DYNC2H1: variants seen among roughly 807,000 people sequenced by gnomAD.
The protein encoded by DYNC2H1 is dynein cytoplasmic 2 heavy chain 1, also known as cytoplasmic dynein 2 heavy chain 1.
Under a neutral mutation model 570.0 loss-of-function variants are expected in DYNC2H1, and 410 were observed. The observed-to-expected ratio is 0.72, with a 90% CI of 0.66 to 0.78. DYNC2H1 has a LOEUF of 0.78. Among genes scored for constraint, DYNC2H1 ranks in the 30% least tolerant of loss-of-function variants. The pLI, the probability that DYNC2H1 is intolerant of heterozygous loss-of-function variation, is 0.00. For missense variants in DYNC2H1, 4,865 were observed against 5,046.4 expected (o/e 0.96, Z 1.09); for synonymous variants, 1,688 against 1,677.6 (o/e 1.01, Z -0.15).
At position 103,256,613 on chromosome 11, in the gene DYNC2H1, A is replaced by G. The variant is rs1865066416; in HGVS notation, c.10461+373A>G. On this transcript the variant is annotated intron_variant, in intron 68 of 88. Transcript: ENST00000375735. This position sits in a 1 kb window ranked among gnomAD's most constrained non-coding sequence, Gnocchi z 4.0. Reference sequence around the variant, plus strand: ...TAAGGCAAGTTAAATATACTAATTAAAAGGGTTATAAGCTCTAAGGTACAG... The same window carrying G: ...TAAGGCAAGTTAAATATACTAATTAGAAGGGTTATAAGCTCTAAGGTACAG... Among the ~76,000 whole-genome samples, 1 of 152,172 alleles carries G rather than the reference A, an allele frequency of 6.6e-6. No individual in the cohort carries two copies. The highest frequency in any genetic ancestry group is 2.4e-5 in the African/African-American group (1 of 41,446).
Position 103,243,881 on chromosome 11 carries a change from A to G in DYNC2H1, c.9918+90A>G. 1 of 1,000,326 alleles carries G rather than the reference A, an allele frequency of 1.0e-6. No individual in the cohort carries two copies. Among genetic ancestry groups the G allele is most frequent in the South Asian group, 1.8e-5 (1 of 55,468 alleles). 62.0% of individuals were successfully genotyped at this position (1,000,326 alleles called of 1,614,324 possible). On this transcript the variant is annotated intron_variant, in intron 64 of 88. Transcript: ENST00000375735. The surrounding 1 kb of genome is among the most constrained non-coding windows in gnomAD (Gnocchi z 4.8). ...GTCTATAATCAGAAAACATAGATTC[A>G]ACACTGGGTCCTACTGTATGGGACC...
rs1458533835 is a variant in DYNC2H1, at chr11:103,192,151, G to A, written c.7595G>A (p.Arg2532Gln). The change falls in exon 47 of 89, where the codon CGG becomes CAG. Residue 2532 changes from arginine to glutamine, a missense_variant. Physicochemically the swap from Arg to Gln is conservative, Grantham distance 43 (BLOSUM62 1). Coordinates refer to ENST00000375735, the MANE Select transcript of DYNC2H1 (RefSeq NM_001377.3). Reference sequence around the variant, plus strand: ...TTAGAAATTGTAGCATATGAGGCACGGCGCTTATTTCGTGACAAAATTGTT... The same window carrying A: ...TTAGAAATTGTAGCATATGAGGCACAGCGCTTATTTCGTGACAAAATTGTT... The part of the protein sequence containing the change: ...YVLEIVAYEA[R>Q]RLFRDKIVGA... 2.6e-6 allele frequency: 4 copies of A among 1,565,724 alleles called. No homozygotes were observed. Among genetic ancestry groups the A allele is most frequent in the Admixed American group, 1.8e-5 (1 of 54,604 alleles).
chr11:103,303,503 G>GT (rs568223296), intron 76 of DYNC2H1, among the ~76,000 whole-genome samples: 17 of 152,084 alleles, frequency 1.1e-4, no homozygotes, highest in African/African-American at 2.4e-4. Flanking sequence ...AATCACAAAG[G>GT]TTTTTTATAA....
rs1862203856 is a variant in DYNC2H1 at position 103,189,361 on chromosome 11, C to T, written c.7293-311C>T. 1.3e-5 allele frequency among the ~76,000 whole-genome samples: 2 copies of T among 152,064 alleles called. No homozygotes were observed. The highest frequency in any genetic ancestry group is 6.6e-5 in the Admixed American group (1 of 15,240). On this transcript the variant is annotated intron_variant, in intron 44 of 88. Coordinates refer to ENST00000375735, the MANE Select transcript of DYNC2H1 (RefSeq NM_001377.3). The surrounding 1 kb of genome is among the most constrained non-coding windows in gnomAD (Gnocchi z 4.3). Reference sequence around the variant, plus strand: ...TGCCCTGTGTACAGACCTTATGTAACTCAAAAATGCTTTTCAAAAGTAAAA... The same window carrying T: ...TGCCCTGTGTACAGACCTTATGTAATTCAAAAATGCTTTTCAAAAGTAAAA...
chr11:103,395,761 G>A lies in DYNC2H1; in HGVS notation c.12157-3902G>A, dbSNP rs541205052. Among the ~76,000 whole-genome samples, 1 of 152,088 alleles carries A rather than the reference G, an allele frequency of 6.6e-6. No homozygotes were observed. Among genetic ancestry groups the A allele is most frequent in the Non-Finnish European group, 1.5e-5 (1 of 68,014 alleles). Reference sequence around the variant, plus strand: ...TCTCATTAGTTAAGCCCCAATTCAAGTTGCAAATTAATTTGTGGAACTGAG... The same window carrying A: ...TCTCATTAGTTAAGCCCCAATTCAAATTGCAAATTAATTTGTGGAACTGAG... On this transcript the variant is annotated intron_variant, in intron 83 of 88. Transcript: ENST00000375735. This position sits in a 1 kb window ranked among gnomAD's most constrained non-coding sequence, Gnocchi z 4.3.
At chr11:103,158,866 T>C (rs1371676540) in intron 27 of DYNC2H1, 44 bp from the exon 28 acceptor site, 2 of 1,511,418 alleles carry the variant, frequency 1.3e-6, no homozygotes, top group Non-Finnish European at 1.8e-6. Flanking sequence ...ATATCTTAAT[T>C]ATCTGAAAAA....
intron 73 of DYNC2H1, among the ~76,000 whole-genome samples, chr11:103,284,020 A>C (rs1344068676): frequency 1.1e-4 from 1 of 9,244 alleles, no homozygotes; most frequent in East Asian, 0.5. Flanking sequence ...AGCTACTTTT[A>C]ACAGAACCCT....
intron 65 of DYNC2H1, among the ~76,000 whole-genome samples, chr11:103,246,006 G>T (rs547525767): frequency 2.6e-4 from 39 of 152,176 alleles, no homozygotes; most frequent in African/African-American, 9.4e-4. Context: ...TGTTATTGGG[G>T]CAACGCAGAG....
intron 65 of DYNC2H1, among the ~76,000 whole-genome samples, chr11:103,247,350 C>T (rs1217160444): frequency 6.6e-6 from 1 of 152,030 alleles, no homozygotes; most frequent in Non-Finnish European, 1.5e-5. Context: ...GACAGGCATA[C>T]GTACATGCAA....
intron 11 of DYNC2H1, among the ~76,000 whole-genome samples, chr11:103,123,603 A>C (rs1591274776): frequency 6.6e-6 from 1 of 152,198 alleles, no homozygotes. Flanking sequence ...TTTGAGCCTA[A>C]AACATGAGAG....
chr11:103,116,012 A>T (rs924526804), intron 4 of DYNC2H1, among the ~76,000 whole-genome samples: 1 of 152,170 alleles, frequency 6.6e-6, no homozygotes, highest in Non-Finnish European at 1.5e-5. Flanking sequence ...TTGAGTGACC[A>T]TTTTAAGTAT....
At chr11:103,322,274 CAGAT>C (rs1938249978) in intron 81 of DYNC2H1, among the ~76,000 whole-genome samples, 2 of 152,098 alleles carry the variant, frequency 1.3e-5, no homozygotes, top group South Asian at 4.1e-4. Flanking sequence ...ACATTTAACT[CAGAT>C]AGTGTACCCC....
chr11:103,257,484 G>T (rs1327536014), intron 68 of DYNC2H1, 124 bp from the exon 69 acceptor site: 2 of 916,004 alleles, frequency 2.2e-6, no homozygotes, highest in East Asian at 3.0e-5. Context: ...TGTTTTATGT[G>T]CATAGAAAAA....
At chr11:103,306,295 A>T (rs1282234122) in intron 77 of DYNC2H1, among the ~76,000 whole-genome samples, 1 of 152,254 alleles carries the variant, frequency 6.6e-6, no homozygotes, top group Non-Finnish European at 1.5e-5. Context: ...GTTGATTGAT[A>T]GCTACTAATC....
intron 85 of DYNC2H1, among the ~76,000 whole-genome samples, chr11:103,449,356 A>G (rs1167415096): frequency 6.6e-6 from 1 of 152,220 alleles, no homozygotes; most frequent in Admixed American, 6.5e-5. Flanking sequence ...TTTGAAGACT[A>G]GACTGTATGC....
intron 5 of DYNC2H1, among the ~76,000 whole-genome samples, chr11:103,117,048 C>G (rs1298511249): frequency 6.7e-6 from 1 of 149,874 alleles, no homozygotes; most frequent in East Asian, 1.9e-4. Context: ...ATACCCTTGT[C>G]ATTATTTTAT....
At chr11:103,359,553 G>A (rs753626220) in intron 83 of DYNC2H1, among the ~76,000 whole-genome samples, 19 of 151,874 alleles carry the variant, frequency 1.3e-4, no homozygotes, top group Admixed American at 2.6e-4. Context: ...AAGACTATAC[G>A]AATGACTTCA....
In DYNC2H1 at chr11:103,204,354, A is replaced by G. The variant is rs1862840019; in HGVS notation, c.8312-468A>G. Among the ~76,000 whole-genome samples, 1 of 152,198 alleles carries G rather than the reference A, an allele frequency of 6.6e-6. No individual in the cohort carries two copies. Among genetic ancestry groups the G allele is most frequent in the African/African-American group, 2.4e-5 (1 of 41,456 alleles). On this transcript the variant is annotated intron_variant, in intron 51 of 88. Transcript: ENST00000375735. This position sits in a 1 kb window ranked among gnomAD's most constrained non-coding sequence, Gnocchi z 4.1. ...AATTTTAGCAAACAGGAATGATGAA[A>G]GTATGGTAATGTTCTTTGGAATATT...
At chr11:103,125,337 C>T in intron 12 of DYNC2H1, 42 bp downstream of exon 12, 1 of 833,406 alleles carries the variant, frequency 1.2e-6, no homozygotes, top group Non-Finnish European at 1.8e-6. Flanking sequence ...ATTTGGAGTT[C>T]ATTACGTTAA....
Sources: gnomAD v4.1 joint callset for allele counts (sites outside exome capture counted in the v4.1 genomes callset) on GRCh38, gnomAD v4.1.1 for gene constraint, Gnocchi (gnomAD v3.1) non-coding constraint, MANE v1.5 for transcripts, NCBI Gene and HGNC (gene_info 2026-07-23, HGNC 2026-07-21) for gene names.